The following DOCK6 variants were observed in gnomAD, a reference collection of about 807,000 sequenced individuals.
DOCK6 encodes the protein dedicator of cytokinesis 6, also known as dedicator of cytokinesis protein 6.
In DOCK6, 167 loss-of-function variants were observed where a neutral mutation model predicts 230.3. The observed-to-expected ratio is 0.73, with a 90% CI of 0.64 to 0.82. The LOEUF (loss-of-function observed/expected upper bound fraction) is 0.82. Ranked by LOEUF, DOCK6 falls within the 40% of genes least tolerant of loss-of-function variation. The pLI is 0.00. For missense variants in DOCK6, 2,598 were observed against 2,825.8 expected, an observed-to-expected ratio of 0.92 and a Z score of 1.83; for synonymous variants, 1,148 against 1,185.0, an observed-to-expected ratio of 0.97 and a Z score of 0.64.
At position 11,237,675 on chromosome 19, in the gene DOCK6, G is replaced by A. The variant is rs199916274; in HGVS notation, c.1937C>T (p.Pro646Leu). Residue 646 changes from proline (P) to leucine (L), a missense_variant, in exon 17 of 48, where the codon CCG (proline) becomes CTG (leucine). Pro to Leu is a moderately conservative substitution (Grantham distance 98). Coordinates refer to ENST00000294618, the MANE Select transcript of DOCK6 (RefSeq NM_020812.4). ...CACGGGTGTCTCCAGGGCAGTGCCC[G>A]GCCGGGGCTGGCAGCTGACATGGTA... ...TFYHVSCQPR[P>L]GTALETPVGF... 85 of 1,596,378 alleles carry A rather than the reference G, an allele frequency of 5.3e-5. No individual in the cohort carries two copies. The highest frequency in any genetic ancestry group is 1.5e-4 in the African/African-American group (11 of 74,648).
chr19:11,248,242 C>A, intron 6 of DOCK6, 91 bp from the exon 7 acceptor site: 1 of 931,140 alleles, frequency 1.1e-6, no homozygotes, highest in Non-Finnish European at 1.6e-6. Flanking sequence ...CCAGCTCTAC[C>A]CCAGCCTGAC....
intron 1 of DOCK6, among the ~76,000 whole-genome samples, chr19:11,261,173 C>A (rs1267563329): frequency 6.6e-6 from 1 of 152,040 alleles, no homozygotes; most frequent in Non-Finnish European, 1.5e-5. Flanking sequence ...CTCTTACTGT[C>A]CCCCTCCAGC....
intron 35 of DOCK6, among the ~76,000 whole-genome samples, chr19:11,212,798 C>G (rs1481907544): frequency 6.7e-6 from 1 of 150,164 alleles, no homozygotes. Flanking sequence ...CTCCTGACTT[C>G]AAGTGATCCA....
chr19:11,245,610 T>C lies in DOCK6; in HGVS notation c.976A>G (p.Ile326Val), dbSNP rs2080019480. ...GGTGAGGGGTAGGTCACAGAGAAGA[T>C]GGCAGAGCGGGCCAGGGTGGAGATG... ...PAISTLARSA[I>V]FSVTYPSPDI... Residue 326 changes from isoleucine (I) to valine (V), a missense_variant, in exon 9 of 48, where the codon ATC becomes GTC. By Grantham distance (29) the Ile-to-Val change is conservative. Transcript: ENST00000294618. The C allele has an allele frequency of 6.3e-7, 1 of 1,583,018 alleles. No homozygotes were observed. The highest frequency in any genetic ancestry group is 8.6e-7 in the Non-Finnish European group (1 of 1,164,614).
chr19:11,204,124 C>T, intron 40 of DOCK6, 29 bp from the exon 41 acceptor site: 1 of 1,425,880 alleles, frequency 7.0e-7, no homozygotes, highest in Non-Finnish European at 9.4e-7. Flanking sequence ...TCAAGGTCAG[C>T]AGATCCCTGG....
Position 11,243,330 on chromosome 19 carries a change from A to T in DOCK6, c.1314T>A (p.Ser438Arg). Residue 438 changes from serine to arginine, a missense_variant, in exon 12 of 48, where the codon AGT becomes AGA. By Grantham distance (110) the Ser-to-Arg change is moderately radical. Coordinates refer to ENST00000294618, the MANE Select transcript of DOCK6 (RefSeq NM_020812.4). The surrounding 1 kb of genome is among the most constrained non-coding windows in gnomAD (Gnocchi z 6.3). ...RRRRGPQDRASSGDDACSFSG... is the reference protein window; with the variant it reads ...RRRRGPQDRARSGDDACSFSG... ...AGAAGCTGCAGGCGTCGTCCCCACTACTCGCCCGGTCCTGGGGCCCCCGAC... is the reference window on the plus strand; with the variant it reads ...AGAAGCTGCAGGCGTCGTCCCCACTTCTCGCCCGGTCCTGGGGCCCCCGAC... 1 of 1,598,470 alleles carries T rather than the reference A, an allele frequency of 6.3e-7. No homozygotes were observed. The highest frequency in any genetic ancestry group is 8.5e-7 in the Non-Finnish European group (1 of 1,173,530).
rs776193635 is a variant in DOCK6, at chr19:11,208,701, G to A, written c.5073C>T (p.Ala1691=). The A allele has an allele frequency of 1.9e-5, 31 of 1,611,414 alleles. No homozygotes were observed. The highest frequency in any genetic ancestry group is 9.3e-5 in the African/African-American group (7 of 74,892). The change falls in exon 39 of 48, where the codon GCC becomes GCT. Residue 1691 remains alanine (A), a synonymous_variant. Coordinates refer to ENST00000294618, the MANE Select transcript of DOCK6 (RefSeq NM_020812.4). ...AAGGCCTCACCATGGTGAAGTAGCC[G>A]GCTGCCTGTTCCAGCAACCCTACCA... ...LGLVGLLEQA[A]GYFTMGGLYE...
At chr19:11,231,441 A>G (rs1048297170) in intron 22 of DOCK6, among the ~76,000 whole-genome samples, 1 of 152,136 alleles carries the variant, frequency 6.6e-6, no homozygotes, top group African/African-American at 2.4e-5. Context: ...TCATATACTT[A>G]TGCATTTGTT....
chr19:11,215,787 T>C lies in DOCK6; in HGVS notation c.4021+14A>G. ...CTGGTGGGATGGGGACACGTGGGTATGTCACCCTCTTACCACGACTTCGCC... is the reference window on the plus strand; with the variant it reads ...CTGGTGGGATGGGGACACGTGGGTACGTCACCCTCTTACCACGACTTCGCC... On this transcript the variant is annotated intron_variant, in intron 31 of 47. Coordinates refer to ENST00000294618, the MANE Select transcript of DOCK6 (RefSeq NM_020812.4). 6.2e-7 allele frequency: 1 copy of C among 1,613,972 alleles called. No individual in the cohort carries two copies. The highest frequency in any genetic ancestry group is 2.2e-5 in the East Asian group (1 of 44,882).
chr19:11,239,533 C>T (rs1037661138), intron 14 of DOCK6: 53 of 1,385,202 alleles, frequency 3.8e-5, no homozygotes, highest in South Asian at 1.5e-4. Flanking sequence ...TTGTGCAATG[C>T]GGGGCACCAG....
At chr19:11,204,925 T>C (rs1232930475) in intron 39 of DOCK6, among the ~76,000 whole-genome samples, 1 of 152,198 alleles carries the variant, frequency 6.6e-6, no homozygotes, top group Non-Finnish European at 1.5e-5. Context: ...CCCTCATTGA[T>C]GGGAGAAGCA....
At chr19:11,252,618 GTTAGCACTGTCCTGCCT>G in intron 3 of DOCK6, 68 bp from the exon 4 acceptor site, 1 of 1,605,284 alleles carries the variant, frequency 6.2e-7, no homozygotes, top group Non-Finnish European at 8.5e-7. Flanking sequence ...AGCCTGTAAG[GTTAGCACTGTCCTGCCT>G]ATTCCAGACA....
chr19:11,241,838 C>T (rs550914360), intron 14 of DOCK6: 17 of 1,385,958 alleles, frequency 1.2e-5, no homozygotes, highest in African/African-American at 7.1e-5. Context: ...CAGACGCAGG[C>T]GGGGACAAAG....
Position 11,242,162 on chromosome 19 carries a change from A to G in DOCK6, c.1526T>C (p.Phe509Ser). Residue 509 changes from phenylalanine to serine, a missense_variant, in exon 14 of 48, where the codon TTC becomes TCC. Coordinates refer to ENST00000294618, the MANE Select transcript of DOCK6 (RefSeq NM_020812.4). ...ATGAAGCAGCTCAGGGGAGAGGCAG[A>G]AGTGGGGATTTTCAGGAGCCGGAGA... The part of the protein sequence containing the change: ...DISPAPENPH[F>S]CLSPELLHIK... 1 of 1,463,276 alleles carries G rather than the reference A, an allele frequency of 6.8e-7. No homozygotes were observed. The highest frequency in any genetic ancestry group is 9.0e-7 in the Non-Finnish European group (1 of 1,108,628). The allele number at this position is 1,463,276 out of a possible 1,614,324, so 90.6% of individuals were successfully genotyped here. A position where few individuals can be genotyped will look rare whatever the true frequency, so the allele number is the denominator to read the frequency against.
At chr19:11,235,533 G>C (rs1467478401) in intron 21 of DOCK6, 65 bp downstream of exon 21, 6 of 1,466,492 alleles carry the variant, frequency 4.1e-6, no homozygotes, top group Non-Finnish European at 5.5e-6. Flanking sequence ...TTACAGGCGT[G>C]AGCCACCGCA....
At position 11,222,274 on chromosome 19, in the gene DOCK6, A is replaced by G; in HGVS notation, c.3241-26T>C. ...CTGCAGAGTGGGGGAAAAATGGGGGATGCCAGCGGTCAAGGGTCAGAGGTG... is the reference window on the plus strand; with the variant it reads ...CTGCAGAGTGGGGGAAAAATGGGGGGTGCCAGCGGTCAAGGGTCAGAGGTG... On this transcript the variant is annotated intron_variant, in intron 26 of 47. Transcript: ENST00000294618. The surrounding 1 kb of genome is among the most constrained non-coding windows in gnomAD (Gnocchi z 4.0). 1 of 1,581,528 alleles carries G rather than the reference A, an allele frequency of 6.3e-7. No homozygotes were observed. Among genetic ancestry groups the G allele is most frequent in the Non-Finnish European group, 8.6e-7 (1 of 1,163,958 alleles).
At chr19:11,207,284 C>T (rs2079278342) in intron 39 of DOCK6, among the ~76,000 whole-genome samples, 1 of 152,110 alleles carries the variant, frequency 6.6e-6, no homozygotes, top group Admixed American at 6.6e-5. Flanking sequence ...GCCCCAACCT[C>T]CTGGGCTCCA....
intron 41 of DOCK6, chr19:11,203,867 T>G: frequency 1.6e-6 from 1 of 613,268 alleles, no homozygotes; most frequent in Non-Finnish European, 2.8e-6. Context: ...CCCAGCTGGG[T>G]GAGTCACAAG....
At chr19:11,238,408 G>T in intron 14 of DOCK6, 104 bp from the exon 15 acceptor site, 1 of 1,046,006 alleles carries the variant, frequency 9.6e-7, no homozygotes, top group Non-Finnish European at 1.4e-6. Flanking sequence ...AGACAGTCCA[G>T]GAAGAGTAGG....
Sources: allele counts gnomAD v4.1 joint callset (sites outside exome capture counted in the v4.1 genomes callset), GRCh38; gene constraint gnomAD v4.1.1; non-coding constraint Gnocchi (gnomAD v3.1); transcripts MANE v1.5; gene names NCBI Gene and HGNC (gene_info 2026-07-23, HGNC 2026-07-21).